Variants in KANK3 observed in about 807,000 individuals in gnomAD.
KANK3 encodes KN motif and ankyrin repeat domain-containing protein 3.
In KANK3, 61 loss-of-function variants were observed where a neutral mutation model predicts 65.4. That is an observed-to-expected ratio of 0.93 (90% CI 0.76 to 1.15). The LOEUF is 1.15. Among genes scored for constraint, KANK3 ranks in the 50% most tolerant of loss-of-function variants. The pLI, the probability that KANK3 is intolerant of heterozygous loss-of-function variation, is 0.00. For missense variants in KANK3, 1,187 were observed against 1,178.8 expected (o/e 1.01, Z -0.10); for synonymous variants, 586 against 543.3 (o/e 1.08, Z -1.09).
intron 1 of KANK3, among the ~76,000 whole-genome samples, chr19:8,338,692 G>A (rs1451211733): frequency 1.3e-5 from 2 of 151,564 alleles, no homozygotes; most frequent in Non-Finnish European, 2.9e-5. Flanking sequence ...TGGTTAACAC[G>A]GTGAAACCCC....
chr19:8,334,848 C>A lies in KANK3; in HGVS notation c.979G>T (p.Val327Leu). The A allele has an allele frequency of 6.8e-7, 1 of 1,469,872 alleles. No individual in the cohort carries two copies. Among genetic ancestry groups the A allele is most frequent in the East Asian group, 2.9e-5 (1 of 34,722 alleles). 91.1% of individuals were successfully genotyped at this position (1,469,872 alleles called of 1,614,324 possible). Residue 327 changes from valine (V) to leucine (L), a missense_variant, in exon 3 of 11, where the codon GTG (valine) becomes TTG (leucine). Physicochemically the swap from Val to Leu is conservative, Grantham distance 32. Coordinates refer to ENST00000330915, the MANE Select transcript of KANK3 (RefSeq NM_198471.3). ...TCCACGGTCTCGGGGGCAGCCTCCA[C>A]GCCGGCCTCCCGGGTCTCCGGCACG... is the stretch of plus-strand genomic sequence containing the variant. Reference protein sequence around the residue: ...QAVPETREAGVEAAPETVEAD... With the variant: ...QAVPETREAGLEAAPETVEAD...
At chr19:8,340,260 TC>T (rs1245409716) in intron 1 of KANK3, among the ~76,000 whole-genome samples, 2 of 37,640 alleles carry the variant, frequency 5.3e-5, no homozygotes, top group African/African-American at 4.5e-4. Flanking sequence ...AGACTCCGTC[TC>T]AAAAAAAAAA....
At position 8,335,418 on chromosome 19, in the gene KANK3, T is replaced by C; in HGVS notation, c.409A>G (p.Thr137Ala). The C allele has an allele frequency of 8.3e-7, 1 of 1,206,594 alleles. No individual in the cohort carries two copies. Among genetic ancestry groups the C allele is most frequent in the Non-Finnish European group, 1.0e-6 (1 of 971,566 alleles). 74.7% of individuals were successfully genotyped at this position (1,206,594 alleles called of 1,614,324 possible). ...TGCGCCAGCTCCAGCCGCCGGCTGG[T>C]CTCCCGGAGCGTGTGCTCGACGCGC... Reference protein sequence around the residue: ...NPRVEHTLRETSRRLELAQTH... With the variant: ...NPRVEHTLREASRRLELAQTH... The change falls in exon 3 of 11, where the codon ACC becomes GCC. Residue 137 changes from threonine (T) to alanine (A), a missense_variant. Thr to Ala is a moderately conservative substitution (Grantham distance 58, BLOSUM62 0). This residue lies in a region of KANK3 where 1,078 missense variants were observed against 1,038.2 expected (regional missense o/e 1.04). Coordinates refer to ENST00000330915, the MANE Select transcript of KANK3 (RefSeq NM_198471.3).
chr19:8,324,690 G>A lies in KANK3; in HGVS notation c.2223C>T (p.Arg741=), dbSNP rs373370477. The A allele has an allele frequency of 6.2e-7, 1 of 1,614,042 alleles. No individual in the cohort carries two copies. The highest frequency in any genetic ancestry group is 8.5e-7 in the Non-Finnish European group (1 of 1,180,034). ...TALMCASEYG[R]LDTVRLLLTQ... Reference sequence around the variant, plus strand: ...TGAGCAGCAGCCGCACGGTGTCCAGGCGCCCATACTCACTGGCACACATCA... The same window carrying A: ...TGAGCAGCAGCCGCACGGTGTCCAGACGCCCATACTCACTGGCACACATCA... Residue 741 remains arginine, a synonymous_variant, in exon 9 of 11, where the codon CGC becomes CGT. Transcript: ENST00000330915.
rs1356280939 is a variant in KANK3 at position 8,333,970 on chromosome 19, C to A, written c.1574G>T (p.Gly525Val). The stretch of plus-strand genomic sequence containing the variant: ...CTCGGGCTCAGGGTCCCGGATGTCC[C>A]CGCCGCTGGGAGGGCCAGGGGTGCC... Reference protein sequence around the residue: ...DSGTPGPPSGGDIRDPEPEAE... With the variant: ...DSGTPGPPSGVDIRDPEPEAE... Residue 525 changes from glycine to valine, a missense_variant, in exon 5 of 11, where the codon GGG becomes GTG. By Grantham distance (109) the Gly-to-Val change is moderately radical. Coordinates refer to ENST00000330915, the MANE Select transcript of KANK3 (RefSeq NM_198471.3). The surrounding 1 kb of genome is among the most constrained non-coding windows in gnomAD (Gnocchi z 5.0). The A allele has an allele frequency of 1.3e-6, 2 of 1,569,746 alleles. No homozygotes were observed. Among genetic ancestry groups the A allele is most frequent in the Non-Finnish European group, 1.7e-6 (2 of 1,162,946 alleles).
chr19:8,336,881 T>G (rs1033226838), intron 2 of KANK3, among the ~76,000 whole-genome samples: 70 of 151,826 alleles, frequency 4.6e-4, no homozygotes, highest in African/African-American at 1.7e-3. Flanking sequence ...CACAGCGAGA[T>G]GGAGACCAGG....
rs1278145050 is a variant in KANK3, at chr19:8,329,187, AG to A, written c.1936+3826del. On this transcript the variant is annotated intron_variant, in intron 7 of 10. Coordinates refer to ENST00000330915, the MANE Select transcript of KANK3 (RefSeq NM_198471.3). ...CTCCATCTCAAAAAAAAAAAAAAAA[AG>A]GAAATTGACAAGTGCCGGCTGGGTG... Among the ~76,000 whole-genome samples, 1,241 of 132,070 alleles carry A rather than the reference AG, an allele frequency of 9.4e-3. 16 individuals are homozygous for A. The highest frequency in any genetic ancestry group is 0.034 in the African/African-American group (1,133 of 33,268). The allele number at this position is 132,070 out of a possible 152,430, so 86.6% of individuals were successfully genotyped here.
rs375650284 is a variant in KANK3, at chr19:8,333,573, G to A, written c.1719+151C>T. ...GGGAAACCAAGGAAAGATCGGCGCT[G>A]TCCTGGGAAGGAGATCCCTTCGGAG... On this transcript the variant is annotated intron_variant, in intron 6 of 10. Transcript: ENST00000330915. The surrounding 1 kb of genome is among the most constrained non-coding windows in gnomAD (Gnocchi z 5.0). The A allele has an allele frequency of 5.9e-6, 4 of 672,678 alleles. No individual in the cohort carries two copies. The East Asian group carries it at 1.1e-4, about 19-fold the overall frequency. 41.7% of individuals were successfully genotyped at this position (672,678 alleles called of 1,614,324 possible).
At chr19:8,324,368 G>A (rs769900282) in intron 10 of KANK3, 81 bp downstream of exon 10, 31 of 1,288,106 alleles carry the variant, frequency 2.4e-5, no homozygotes, top group Non-Finnish European at 3.2e-5. Context: ...GAGCAGAAAG[G>A]GAGGCTCAGG....
Position 8,334,874 on chromosome 19 carries a change from G to A in KANK3, c.953C>T (p.Ala318Val), listed in dbSNP as rs1028002024. Reference sequence around the variant, plus strand: ...GCCGGCCTCCCGGGTCTCCGGCACGGCCTGGGCACCCGCTTCTCGGGTCTC... The same window carrying A: ...GCCGGCCTCCCGGGTCTCCGGCACGACCTGGGCACCCGCTTCTCGGGTCTC... Reference protein sequence around the residue: ...VPETREAGAQAVPETREAGVE... With the variant: ...VPETREAGAQVVPETREAGVE... Residue 318 changes from alanine (A) to valine (V), a missense_variant, in exon 3 of 11, where the codon GCC (alanine) becomes GTC (valine). By Grantham distance (64) the Ala-to-Val change is moderately conservative (BLOSUM62 0). This residue lies in a region of KANK3 where 1,078 missense variants were observed against 1,038.2 expected (regional missense o/e 1.04). Transcript: ENST00000330915. 12 of 1,459,752 alleles carry A rather than the reference G, an allele frequency of 8.2e-6. No homozygotes were observed. In the African/African-American group the frequency reaches 1.5e-4, roughly 18 times the overall value. The allele number at this position is 1,459,752 out of a possible 1,614,324, so 90.4% of individuals were successfully genotyped here.
chr19:8,325,884 T>C (rs1390291866), intron 7 of KANK3, among the ~76,000 whole-genome samples: 2 of 151,448 alleles, frequency 1.3e-5, no homozygotes, highest in East Asian at 3.9e-4. Flanking sequence ...TGGAGTGCAG[T>C]GGCACGATCT....
chr19:8,335,636 G>A lies in KANK3; in HGVS notation c.191C>T (p.Ala64Val), dbSNP rs1394677731. The A allele has an allele frequency of 1.8e-5, 23 of 1,244,934 alleles. No individual in the cohort carries two copies. The highest frequency in any genetic ancestry group is 6.3e-5 in the East Asian group (2 of 31,738). 77.1% of individuals were successfully genotyped at this position (1,244,934 alleles called of 1,614,324 possible). A position where few individuals can be genotyped will look rare whatever the true frequency, so the allele number is the denominator to read the frequency against. ...ACGGCGCGAGGTCGGGGGTCCCGGGGCGCGGCGGGCAGCGGGGCCACGCTC... is the reference window on the plus strand; with the variant it reads ...ACGGCGCGAGGTCGGGGGTCCCGGGACGCGGCGGGCAGCGGGGCCACGCTC... Reference protein sequence around the residue: ...ELERGPAARRAPGPPTSRRPR... With the variant: ...ELERGPAARRVPGPPTSRRPR... The change falls in exon 3 of 11, where the codon GCC becomes GTC. Residue 64 changes from alanine (A) to valine (V), a missense_variant. Around this residue, in one of 3 missense-constraint regions of KANK3, gnomAD observed 104 missense variants for 122.1 expected, o/e 0.85. Coordinates refer to ENST00000330915, the MANE Select transcript of KANK3 (RefSeq NM_198471.3).
Position 8,335,688 on chromosome 19 carries a change from C to T in KANK3, c.139G>A (p.Asp47Asn). The change falls in exon 3 of 11, where the codon GAC becomes AAC. Residue 47 changes from aspartate to asparagine, a missense_variant. Asp to Asn is a conservative substitution (Grantham distance 23, BLOSUM62 1). This residue lies in a region of KANK3 where 104 missense variants were observed against 122.1 expected (regional missense o/e 0.85). Transcript: ENST00000330915. ...AGCTCCTCTATGTACTTGAGGAAGT[C>T]CAGGTCCAGGTGGAAGCCGTAGGGC... The part of the protein sequence containing the change: ...ETPYGFHLDL[D>N]FLKYIEELER... The T allele has an allele frequency of 8.0e-7, 1 of 1,254,526 alleles. No individual in the cohort carries two copies. Among genetic ancestry groups the T allele is most frequent in the Non-Finnish European group, 1.0e-6 (1 of 995,652 alleles). The allele number at this position is 1,254,526 out of a possible 1,614,324, so 77.7% of individuals were successfully genotyped here.
intron 1 of KANK3, among the ~76,000 whole-genome samples, chr19:8,339,007 A>G (rs1007230093): frequency 6.6e-6 from 1 of 152,102 alleles, no homozygotes; most frequent in Non-Finnish European, 1.5e-5. Flanking sequence ...CAACAAATCA[A>G]CGGATACTTG....
At chr19:8,330,432 A>G (rs1471248497) in intron 7 of KANK3, among the ~76,000 whole-genome samples, 2 of 152,106 alleles carry the variant, frequency 1.3e-5, no homozygotes. Context: ...CATCTCTACT[A>G]AAAATGTAAA....
Position 8,335,594 on chromosome 19 carries a change from G to A in KANK3, c.233C>T (p.Pro78Leu), listed in dbSNP as rs1292940458. ...TGGGCTACGTGCGCCCGCGAGGCCG[G>A]GCCGGGGCGCGCGGGGACGGCGCGA... ...PTSRRPRAPR[P>L]GLAGARSPGA... Residue 78 changes from proline to leucine, a missense_variant, in exon 3 of 11, where the codon CCC (proline) becomes CTC (leucine). Physicochemically the swap from Pro to Leu is moderately conservative, Grantham distance 98. Coordinates refer to ENST00000330915, the MANE Select transcript of KANK3 (RefSeq NM_198471.3). 8.1e-7 allele frequency: 1 copy of A among 1,228,908 alleles called. No individual in the cohort carries two copies. Among genetic ancestry groups the A allele is most frequent in the Non-Finnish European group, 1.0e-6 (1 of 980,976 alleles). The allele number at this position is 1,228,908 out of a possible 1,614,324, so 76.1% of individuals were successfully genotyped here.
intron 2 of KANK3, among the ~76,000 whole-genome samples, chr19:8,336,707 T>G (rs1188342809): frequency 7.4e-6 from 1 of 134,604 alleles, no homozygotes; most frequent in African/African-American, 2.9e-5. Context: ...ACCACTGCAC[T>G]CCAGACTGGG....
chr19:8,337,711 G>T, intron 2 of KANK3, 84 bp downstream of exon 2: 3 of 1,501,948 alleles, frequency 2.0e-6, no homozygotes, highest in Admixed American at 3.3e-5. Context: ...CTCTAGGGCT[G>T]TAGGCTGCGT....
chr19:8,326,532 A>T (rs1372196654), intron 7 of KANK3, among the ~76,000 whole-genome samples: 2 of 147,014 alleles, frequency 1.4e-5, no homozygotes, highest in Non-Finnish European at 3.0e-5. Context: ...TCACGCCTTT[A>T]ATCCCAGCAC....
Sources: allele counts gnomAD v4.1 joint callset (sites outside exome capture counted in the v4.1 genomes callset), GRCh38; gene constraint gnomAD v4.1.1; regional missense constraint gnomAD v4.1.1; non-coding constraint Gnocchi (gnomAD v3.1); transcripts MANE v1.5; gene names NCBI Gene and HGNC (gene_info 2026-07-23, HGNC 2026-07-21).